Variants in HMGA2 observed in about 807,000 individuals in gnomAD.
The protein encoded by HMGA2 is high mobility group protein HMGI-C.
Under a neutral mutation model 19.1 loss-of-function variants are expected in HMGA2, and 8 were observed. The observed-to-expected ratio is 0.42, with a 90% CI of 0.25 to 0.76. HMGA2 has a LOEUF of 0.76. Ranked by LOEUF, HMGA2 falls within the 30% of genes least tolerant of loss-of-function variation. The pLI is 0.28. For missense variants in HMGA2, 109 were observed against 136.3 expected (o/e 0.80, Z 1.00); for synonymous variants, 60 against 48.8 (o/e 1.23, Z -0.96).
At chr12:65,933,557 T>C (rs184459100) in intron 3 of HMGA2, among the ~76,000 whole-genome samples, 2 of 152,290 alleles carry the variant, frequency 1.3e-5, no homozygotes, top group African/African-American at 4.8e-5. Context: ...ATGCATTCAG[T>C]GAATGAGGTA....
chr12:65,834,813 GA>G (rs1370796581), intron 2 of HMGA2, among the ~76,000 whole-genome samples: 2 of 152,154 alleles, frequency 1.3e-5, no homozygotes, highest in Non-Finnish European at 2.9e-5. Flanking sequence ...CTTAGAGAAA[GA>G]AATAATTATA....
chr12:65,916,500 C>T (rs1246493259), intron 3 of HMGA2, among the ~76,000 whole-genome samples: 1 of 152,126 alleles, frequency 6.6e-6, no homozygotes, highest in East Asian at 1.9e-4. Flanking sequence ...AATATAAAAA[C>T]AACTATTAAG....
chr12:65,931,684 C>T (rs1252188627), intron 3 of HMGA2, among the ~76,000 whole-genome samples: 2 of 152,014 alleles, frequency 1.3e-5, no homozygotes, highest in African/African-American at 4.8e-5. Flanking sequence ...CCTTTCTCCT[C>T]TAAAACCTCT....
At position 65,828,064 on chromosome 12, in the gene HMGA2, A is replaced by G; in HGVS notation, c.175A>G (p.Ser59Gly). The G allele has an allele frequency of 6.2e-7, 1 of 1,613,688 alleles. No homozygotes were observed. Residue 59 changes from serine (S) to glycine (G), a missense_variant, in exon 2 of 5, where the codon AGT becomes GGT. Transcript: ENST00000403681. ...RGRPKGSKNK[S>G]PSKAAQKKAE... ...AAGACCCAAAGGCAGCAAAAACAAG[A>G]GTCCCTCTAAAGCAGCTCAAAAGGT...
At chr12:65,858,164 T>G (rs529957454) in intron 3 of HMGA2, 1 of 152,726 alleles carries the variant, frequency 6.5e-6, no homozygotes, top group South Asian at 2.1e-4. Flanking sequence ...TGGAAAAACA[T>G]AATAGGCATA....
chr12:65,921,346 G>A lies in HMGA2; in HGVS notation c.250-30037G>A, dbSNP rs559424581. Reference sequence around the variant, plus strand: ...AGGATCTCGGCTCACTGCAAGCTCCGCCTCCCGGGTTCACGCCATTCTCCT... The same window carrying A: ...AGGATCTCGGCTCACTGCAAGCTCCACCTCCCGGGTTCACGCCATTCTCCT... On this transcript the variant is annotated intron_variant, in intron 3 of 4. Coordinates refer to ENST00000403681, the MANE Select transcript of HMGA2 (RefSeq NM_003483.6). 4.6e-5 allele frequency among the ~76,000 whole-genome samples: 7 copies of A among 152,186 alleles called. No homozygotes were observed. In the South Asian group the frequency reaches 6.2e-4, roughly 14 times the overall value.
chr12:65,896,202 C>T (rs1267851386), intron 3 of HMGA2, among the ~76,000 whole-genome samples: 1 of 152,196 alleles, frequency 6.6e-6, no homozygotes, highest in Non-Finnish European at 1.5e-5. Flanking sequence ...ATGTTCATTG[C>T]ATCTGAGATC....
chr12:65,898,271 G>A (rs909464659), intron 3 of HMGA2, among the ~76,000 whole-genome samples: 2 of 152,118 alleles, frequency 1.3e-5, no homozygotes, highest in Admixed American at 6.5e-5. Flanking sequence ...CATTACCTTC[G>A]GTAGAGCAGC....
intron 4 of HMGA2, chr12:65,952,409 G>A (rs1876489586): frequency 4.6e-6 from 7 of 1,534,590 alleles, no homozygotes; most frequent in South Asian, 1.2e-5. Flanking sequence ...TATATCTACT[G>A]TTCTCTAAAA....
intron 2 of HMGA2, chr12:65,831,086 T>C (rs1870455163): frequency 6.6e-6 from 1 of 151,944 alleles, no homozygotes; most frequent in Non-Finnish European, 1.5e-5. Flanking sequence ...TGTGTATACG[T>C]CTGTGTGAGC....
intron 3 of HMGA2, among the ~76,000 whole-genome samples, chr12:65,895,524 C>T (rs1874088483): frequency 6.6e-6 from 1 of 152,166 alleles, no homozygotes; most frequent in Non-Finnish European, 1.5e-5. Context: ...AGGAAACATA[C>T]TTAAAGAAGT....
Position 65,825,161 on chromosome 12 carries a change from C to G in HMGA2, c.-110C>G. 1 of 935,902 alleles carries G rather than the reference C, an allele frequency of 1.1e-6. No homozygotes were observed. The highest frequency in any genetic ancestry group is 1.8e-5 in the South Asian group (1 of 55,382). 58.0% of individuals were successfully genotyped at this position (935,902 alleles called of 1,614,324 possible). A position where few individuals can be genotyped will look rare whatever the true frequency, so the allele number is the denominator to read the frequency against. Reference sequence around the variant, plus strand: ...CTCGCAGCCCGCCAGCTCGCGCTCGCCCCGCCGGCGTCCCCAGCCCTATCA... The same window carrying G: ...CTCGCAGCCCGCCAGCTCGCGCTCGGCCCGCCGGCGTCCCCAGCCCTATCA... On this transcript the variant is annotated 5_prime_UTR_variant, in exon 1 of 5. Transcript: ENST00000403681. This position sits in a 1 kb window ranked among gnomAD's most constrained non-coding sequence, Gnocchi z 4.4.
intron 3 of HMGA2, among the ~76,000 whole-genome samples, chr12:65,898,201 T>C (rs1299716843): frequency 3.9e-5 from 6 of 152,156 alleles, no homozygotes; most frequent in Non-Finnish European, 2.9e-5. Context: ...CCTACCTCAA[T>C]ACATTTTAAA....
chr12:65,938,676 T>G (rs976961569), intron 3 of HMGA2, among the ~76,000 whole-genome samples: 9 of 151,980 alleles, frequency 5.9e-5, no homozygotes, highest in African/African-American at 2.2e-4. Context: ...AGAGACAGGG[T>G]CTCACTTTGT....
intron 2 of HMGA2, among the ~76,000 whole-genome samples, chr12:65,831,325 G>T (rs1377796804): frequency 6.6e-6 from 1 of 151,692 alleles, no homozygotes; most frequent in African/African-American, 2.4e-5. Flanking sequence ...TGGAGGGGTT[G>T]TCACTAATTC....
intron 3 of HMGA2, among the ~76,000 whole-genome samples, chr12:65,879,189 A>G (rs1873219546): frequency 6.6e-6 from 1 of 152,208 alleles, no homozygotes; most frequent in African/African-American, 2.4e-5. Flanking sequence ...GTGCAGTGGC[A>G]TGATCACGGC....
intron 3 of HMGA2, among the ~76,000 whole-genome samples, chr12:65,937,269 A>C (rs1875929244): frequency 6.6e-6 from 1 of 152,194 alleles, no homozygotes; most frequent in Non-Finnish European, 1.5e-5. Flanking sequence ...CTGCAGAGAG[A>C]CAAGCATCTC....
chr12:65,880,396 G>A (rs1873310015), intron 3 of HMGA2, among the ~76,000 whole-genome samples: 1 of 152,176 alleles, frequency 6.6e-6, no homozygotes, highest in Non-Finnish European at 1.5e-5. Flanking sequence ...CATGAAACAC[G>A]TGTTGCCCTT....
chr12:65,907,435 G>A (rs1044389398), intron 3 of HMGA2, among the ~76,000 whole-genome samples: 8 of 150,770 alleles, frequency 5.3e-5, no homozygotes, highest in Non-Finnish European at 1.0e-4. Flanking sequence ...AAAAAAAGGT[G>A]GGGGGTAAAG....
Sources: allele counts gnomAD v4.1 joint callset (sites outside exome capture counted in the v4.1 genomes callset), GRCh38; gene constraint gnomAD v4.1.1; non-coding constraint Gnocchi (gnomAD v3.1); transcripts MANE v1.5; gene names NCBI Gene and HGNC (gene_info 2026-07-23, HGNC 2026-07-21).